Variants in FBXO25 observed in about 807,000 individuals in gnomAD.
FBXO25 encodes F-box protein 25.
FBXO25 carries 45 observed loss-of-function variants against 51.9 expected under a neutral mutation model. That is an observed-to-expected ratio of 0.87 (90% CI 0.68 to 1.11). The LOEUF is 1.11. FBXO25 is among the 50% of genes most tolerant of loss of function. The pLI is 0.00. For missense variants in FBXO25, 507 were observed against 428.5 expected (o/e 1.18, Z -1.62); for synonymous variants, 199 against 151.0 (o/e 1.32, Z -2.33).
rs533424163 is a variant in FBXO25, at chr8:474,101, C to T, written c.*5297C>T. The T allele has an allele frequency of 1.7e-4, 26 of 153,734 alleles. No individual in the cohort carries two copies. Among genetic ancestry groups the T allele is most frequent in the South Asian group, 2.1e-4 (1 of 4,862 alleles). The allele number at this position is 153,734 out of a possible 1,614,324, so 9.5% of individuals were successfully genotyped here. A position where few individuals can be genotyped will look rare whatever the true frequency, so the allele number is the denominator to read the frequency against. ...AAACTGAAGCTCTGTACCCATTAAGCACCAACTCCCTATTCCCCATCCACC... is the reference window on the plus strand; with the variant it reads ...AAACTGAAGCTCTGTACCCATTAAGTACCAACTCCCTATTCCCCATCCACC... On this transcript the variant is annotated 3_prime_UTR_variant, in exon 10 of 10. Transcript: ENST00000350302.
intron 2 of FBXO25, among the ~76,000 whole-genome samples, chr8:428,807 G>A (rs1469987117): frequency 6.6e-6 from 1 of 152,168 alleles, no homozygotes; most frequent in Non-Finnish European, 1.5e-5. Flanking sequence ...GTGTCCTTTT[G>A]TGACTGTCTT....
chr8:411,534 ACT>A (rs1796482700), intron 1 of FBXO25, among the ~76,000 whole-genome samples: 1 of 151,606 alleles, frequency 6.6e-6, no homozygotes, highest in Non-Finnish European at 1.5e-5. Context: ...CTCTAGTCTA[ACT>A]CTCTTCTGAA....
chr8:468,847 G>A lies in FBXO25; in HGVS notation c.*43G>A, dbSNP rs768198772. On this transcript the variant is annotated 3_prime_UTR_variant, in exon 10 of 10. Coordinates refer to ENST00000350302, the MANE Select transcript of FBXO25 (RefSeq NM_183420.2). ...CCTATTGGAGATTGTGAATCCTGCTGTCTGTGCAGGGCTCATAGTGAGTGT... is the reference window on the plus strand; with the variant it reads ...CCTATTGGAGATTGTGAATCCTGCTATCTGTGCAGGGCTCATAGTGAGTGT... 8 of 1,565,036 alleles carry A rather than the reference G, an allele frequency of 5.1e-6. No individual in the cohort carries two copies. In the African/African-American group the frequency reaches 9.4e-5, roughly 18 times the overall value.
At chr8:447,042 G>A (rs1477095532) in intron 5 of FBXO25, among the ~76,000 whole-genome samples, 1 of 152,206 alleles carries the variant, frequency 6.6e-6, no homozygotes, top group Non-Finnish European at 1.5e-5. Context: ...AGGCGGAACT[G>A]AGCAGAAGGG....
intron 7 of FBXO25, among the ~76,000 whole-genome samples, chr8:454,679 C>G (rs1799304103): frequency 6.6e-6 from 1 of 152,100 alleles, no homozygotes; most frequent in Non-Finnish European, 1.5e-5. Flanking sequence ...ATCACAAGGT[C>G]AAGAGATAGA....
At chr8:455,010 C>G (rs1256295463) in intron 7 of FBXO25, among the ~76,000 whole-genome samples, 1 of 152,106 alleles carries the variant, frequency 6.6e-6, no homozygotes, top group Non-Finnish European at 1.5e-5. Flanking sequence ...TAGCCTTTGT[C>G]AGCTTCCCAC....
intron 2 of FBXO25, among the ~76,000 whole-genome samples, chr8:418,787 C>T (rs748873658): frequency 7.2e-5 from 11 of 151,994 alleles, no homozygotes; most frequent in Non-Finnish European, 1.3e-4. Context: ...GTTTTTTTAA[C>T]CAAGGTAGTT....
At chr8:431,575 C>G (rs919965788) in intron 3 of FBXO25, 131 bp downstream of exon 3, 14 of 522,150 alleles carry the variant, frequency 2.7e-5, no homozygotes, top group East Asian at 1.1e-4. Flanking sequence ...CCAGCATTGC[C>G]TACAGATTTA....
intron 9 of FBXO25, chr8:467,655 A>G (rs1235941629): frequency 5.9e-6 from 9 of 1,535,378 alleles, no homozygotes; most frequent in African/African-American, 1.4e-5. Context: ...TTCTAATCTT[A>G]ACTTTTCCTT....
At chr8:436,749 G>A (rs559445178) in intron 5 of FBXO25, among the ~76,000 whole-genome samples, 18 of 152,336 alleles carry the variant, frequency 1.2e-4, no homozygotes, top group African/African-American at 4.1e-4. Context: ...AACATCAGCA[G>A]AGAGGTCTGT....
At chr8:446,375 C>G (rs890552697) in intron 5 of FBXO25, among the ~76,000 whole-genome samples, 12 of 152,148 alleles carry the variant, frequency 7.9e-5, no homozygotes, top group African/African-American at 2.9e-4. Context: ...TCTTTCATGT[C>G]TTAGTGCTGT....
intron 7 of FBXO25, among the ~76,000 whole-genome samples, chr8:455,688 C>T (rs13249767): frequency 3.9e-5 from 6 of 152,112 alleles, no homozygotes; most frequent in African/African-American, 1.4e-4. Context: ...ATAGCTGAGA[C>T]TATCCTAAAG....
rs1189972529 is a variant in FBXO25, at chr8:450,065, G to T, written c.457G>T (p.Asp153Tyr). 3.7e-6 allele frequency: 6 copies of T among 1,611,554 alleles called. No homozygotes were observed. Among genetic ancestry groups the T allele is most frequent in the African/African-American group, 1.3e-5 (1 of 74,778 alleles). ...ACAGAAGAATTACTTCAACATTTTG[G>T]ATAAAATCGTTCAAAAGGGTAAGAT... is the stretch of plus-strand genomic sequence containing the variant. ...VAQKNYFNIL[D>Y]KIVQKVLDDH... The change falls in exon 6 of 10, where the codon GAT (aspartate) becomes TAT (tyrosine). Residue 153 changes from aspartate to tyrosine, a missense_variant. By Grantham distance (160) the Asp-to-Tyr change is radical. Coordinates refer to ENST00000350302, the MANE Select transcript of FBXO25 (RefSeq NM_183420.2).
rs556730356 is a variant in FBXO25 at position 464,569 on chromosome 8, C to CT, written c.987+1426dup. 2.8e-4 allele frequency among the ~76,000 whole-genome samples: 43 copies of CT among 152,252 alleles called. No individual in the cohort carries two copies. The East Asian group carries it at 6.8e-3, about 24-fold the overall frequency. On this transcript the variant is annotated intron_variant, in intron 9 of 9. Coordinates refer to ENST00000350302, the MANE Select transcript of FBXO25 (RefSeq NM_183420.2). ...TAGACACCATAACCTTTTGTGATTA[C>CT]TTTTTTTGCTTTACATTATCTATAT...
rs1249558766 is a variant in FBXO25 at position 476,635 on chromosome 8, G to C, written c.*7831G>C. 6.6e-6 allele frequency: 1 copy of C among 152,098 alleles called. No individual in the cohort carries two copies. Among genetic ancestry groups the C allele is most frequent in the Non-Finnish European group, 1.5e-5 (1 of 68,016 alleles). 9.4% of individuals were successfully genotyped at this position (152,098 alleles called of 1,614,324 possible). On this transcript the variant is annotated 3_prime_UTR_variant, in exon 10 of 10. Transcript: ENST00000350302. ...GTTCATCTAGGTTATCCAATTCTTT[G>C]ATATGTAATTGCTCATAGTACTCTT...
intron 5 of FBXO25, among the ~76,000 whole-genome samples, chr8:436,917 T>G (rs181147816): frequency 6.6e-6 from 1 of 152,320 alleles, no homozygotes; most frequent in East Asian, 1.9e-4. Context: ...CGTTGGCTCC[T>G]GGTGGTTTCT....
intron 7 of FBXO25, among the ~76,000 whole-genome samples, chr8:454,255 T>C (rs187707769): frequency 2.6e-5 from 4 of 152,368 alleles, no homozygotes; most frequent in Non-Finnish European, 5.9e-5. Context: ...GAAACAAATA[T>C]ACTTTGCTGT....
intron 2 of FBXO25, among the ~76,000 whole-genome samples, chr8:415,564 A>G (rs537877173): frequency 1.1e-4 from 17 of 152,218 alleles, no homozygotes; most frequent in Non-Finnish European, 1.6e-4. Flanking sequence ...TAAGGGTTTC[A>G]GTAGACAGGT....
chr8:464,064 G>A (rs929131654), intron 9 of FBXO25, among the ~76,000 whole-genome samples: 1 of 152,132 alleles, frequency 6.6e-6, no homozygotes, highest in Non-Finnish European at 1.5e-5. Context: ...CGACTTCTGG[G>A]CTCAAGTGAT....
Sources: gnomAD v4.1 joint callset for allele counts (sites outside exome capture counted in the v4.1 genomes callset) on GRCh38, gnomAD v4.1.1 for gene constraint, MANE v1.5 for transcripts, NCBI Gene and HGNC (gene_info 2026-07-23, HGNC 2026-07-21) for gene names.